SPTSSB: variants seen among roughly 807,000 people sequenced by gnomAD.
SPTSSB encodes androgen down regulated in mouse prostate.
Under a neutral mutation model 7.7 loss-of-function variants are expected in SPTSSB, and 6 were observed. The ratio of observed to expected loss-of-function variants is 0.78; its 90% confidence interval spans 0.43 to 1.54. The LOEUF (loss-of-function observed/expected upper bound fraction) is 1.54, where lower values mean the gene tolerates loss of function less well. Ranked by LOEUF, SPTSSB falls within the 40% of genes most tolerant of loss-of-function variation. The pLI, the probability that SPTSSB is intolerant of heterozygous loss-of-function variation, is 0.01. For missense variants in SPTSSB, 91 were observed against 93.0 expected (o/e 0.98, Z 0.09); for synonymous variants, 28 against 29.7 (o/e 0.94, Z 0.19).
chr3:161,356,005 C>T (rs906597018), intron 2 of SPTSSB, among the ~76,000 whole-genome samples: 1 of 152,156 alleles, frequency 6.6e-6, no homozygotes, highest in Non-Finnish European at 1.5e-5. Context: ...AGCAAAATCA[C>T]ATCGATGTAC....
At position 161,345,768 on chromosome 3, in the gene SPTSSB, G is replaced by T. The variant is rs988862057; in HGVS notation, c.*325C>A. ...CTTTAAGCATGATTCTGGTAGGTCTGTTAGGAGTCTATTTTCCAGAAAAAT... is the reference window on the plus strand; with the variant it reads ...CTTTAAGCATGATTCTGGTAGGTCTTTTAGGAGTCTATTTTCCAGAAAAAT... On this transcript the variant is annotated 3_prime_UTR_variant, in exon 3 of 3. Transcript: ENST00000620149. The T allele has an allele frequency of 4.1e-6, 1 of 246,470 alleles. No individual in the cohort carries two copies. The highest frequency in any genetic ancestry group is 8.0e-6 in the Non-Finnish European group (1 of 124,280). The allele number at this position is 246,470 out of a possible 1,614,324, so 15.3% of individuals were successfully genotyped here.
At chr3:161,356,862 A>G (rs1297513007) in intron 2 of SPTSSB, among the ~76,000 whole-genome samples, 1 of 152,080 alleles carries the variant, frequency 6.6e-6, no homozygotes, top group African/African-American at 2.4e-5. Flanking sequence ...GGGCGTGGTA[A>G]TCCTCGCACT....
chr3:161,369,308 T>C (rs200684749), intron 1 of SPTSSB, among the ~76,000 whole-genome samples: 1 of 59,620 alleles, frequency 1.7e-5, no homozygotes, highest in East Asian at 1.3e-3. Flanking sequence ...CTTTCTTTCT[T>C]TCTTTCTCTT....
At chr3:161,361,607 A>G (rs1239161818) in intron 1 of SPTSSB, among the ~76,000 whole-genome samples, 1 of 152,182 alleles carries the variant, frequency 6.6e-6, no homozygotes, top group Non-Finnish European at 1.5e-5. Flanking sequence ...TTATTTCTGC[A>G]TTATTGTGGA....
intron 1 of SPTSSB, among the ~76,000 whole-genome samples, chr3:161,366,754 G>A (rs1715237722): frequency 1.3e-5 from 2 of 151,998 alleles, no homozygotes; most frequent in Non-Finnish European, 1.5e-5. Flanking sequence ...CCTGGTACAG[G>A]GTAGGTGTGC....
At position 161,367,697 on chromosome 3, in the gene SPTSSB, G is replaced by T. The variant is rs559223427; in HGVS notation, c.-126+3738C>A. 3.9e-5 allele frequency among the ~76,000 whole-genome samples: 6 copies of T among 152,332 alleles called. No individual in the cohort carries two copies. In the South Asian group the frequency reaches 8.3e-4, roughly 21 times the overall value. On this transcript the variant is annotated intron_variant, in intron 1 of 2. Transcript: ENST00000620149. Reference sequence around the variant, plus strand: ...GATGCTTTCTGACAATGACATGTTAGTATGCTGTGAAGACTTCAGTGGCTG... The same window carrying T: ...GATGCTTTCTGACAATGACATGTTATTATGCTGTGAAGACTTCAGTGGCTG...
At chr3:161,351,439 T>A (rs538213154) in intron 2 of SPTSSB, among the ~76,000 whole-genome samples, 41 of 152,306 alleles carry the variant, frequency 2.7e-4, no homozygotes, top group African/African-American at 9.6e-4. Flanking sequence ...TTGCTGAAGC[T>A]TTACTTCCTA....
At chr3:161,352,213 C>G (rs773653568) in intron 2 of SPTSSB, among the ~76,000 whole-genome samples, 19 of 152,192 alleles carry the variant, frequency 1.2e-4, no homozygotes, top group Non-Finnish European at 1.9e-4. Context: ...TTCACAGTTT[C>G]ATTTCTTCAC....
chr3:161,352,118 TC>T (rs1714568689), intron 2 of SPTSSB, among the ~76,000 whole-genome samples: 1 of 152,234 alleles, frequency 6.6e-6, no homozygotes, highest in South Asian at 2.1e-4. Flanking sequence ...GAATTAACTG[TC>T]CAAACTTAAC....
At chr3:161,346,867 G>C (rs1352262623) in intron 2 of SPTSSB, among the ~76,000 whole-genome samples, 1 of 152,128 alleles carries the variant, frequency 6.6e-6, no homozygotes, top group Non-Finnish European at 1.5e-5. Flanking sequence ...TGCTTTTGAG[G>C]GGCCACGGAG....
At chr3:161,370,429 T>C (rs1054687897) in intron 1 of SPTSSB, among the ~76,000 whole-genome samples, 3 of 152,240 alleles carry the variant, frequency 2.0e-5, no homozygotes, top group African/African-American at 7.2e-5. Flanking sequence ...TACAAAGCCT[T>C]CACAGCCCTT....
chr3:161,352,048 C>T (rs1465437094), intron 2 of SPTSSB, among the ~76,000 whole-genome samples: 1 of 152,196 alleles, frequency 6.6e-6, no homozygotes, highest in Non-Finnish European at 1.5e-5. Flanking sequence ...GTTGCTTGCA[C>T]TAATGAAATA....
rs11401196 is a variant in SPTSSB at position 161,363,963 on chromosome 3, G to GAA, written c.-125-4071_-125-4070dup. 4.0e-3 allele frequency among the ~76,000 whole-genome samples: 601 copies of GAA among 149,948 alleles called. 5 individuals are homozygous for GAA. Among genetic ancestry groups the GAA allele is most frequent in the African/African-American group, 0.013 (544 of 40,964 alleles). On this transcript the variant is annotated intron_variant, in intron 1 of 2. Transcript: ENST00000620149. ...GACACAGGATGTATAGATGGTACAT[G>GAA]AAAAAAAAAATCCATAAAATCTCTA...
chr3:161,345,909 T>C lies in SPTSSB; in HGVS notation c.*184A>G, dbSNP rs1714199409. The C allele has an allele frequency of 1.9e-6, 1 of 529,960 alleles. No homozygotes were observed. Among genetic ancestry groups the C allele is most frequent in the Non-Finnish European group, 3.4e-6 (1 of 294,726 alleles). 32.8% of individuals were successfully genotyped at this position (529,960 alleles called of 1,614,324 possible). On this transcript the variant is annotated 3_prime_UTR_variant, in exon 3 of 3. Transcript: ENST00000620149. ...CTCCGGTCTAAAGCACAATGTAGCA[T>C]GTGCAAAAGAAACTAAAGAGACATG...
chr3:161,367,970 G>T (rs1715288973), intron 1 of SPTSSB, among the ~76,000 whole-genome samples: 3 of 152,158 alleles, frequency 2.0e-5, no homozygotes, highest in Non-Finnish European at 2.9e-5. Context: ...GAATTGATGA[G>T]TCCAAAAAGA....
chr3:161,357,140 C>T (rs1714804736), intron 2 of SPTSSB, among the ~76,000 whole-genome samples: 1 of 152,102 alleles, frequency 6.6e-6, no homozygotes, highest in Non-Finnish European at 1.5e-5. Context: ...TGCTGTATTC[C>T]AGGTTAGATG....
chr3:161,346,470 T>C lies in SPTSSB; in HGVS notation c.-32-115A>G, dbSNP rs573193353. On this transcript the variant is annotated intron_variant, in intron 2 of 2. Coordinates refer to ENST00000620149, the MANE Select transcript of SPTSSB (RefSeq NM_001040100.2). ...AAGATTTGTTAAAGATCATTGAATATATTATTAATATATGAATATTCTGTA... is the reference window on the plus strand; with the variant it reads ...AAGATTTGTTAAAGATCATTGAATACATTATTAATATATGAATATTCTGTA... The C allele has an allele frequency of 2.6e-4, 142 of 536,526 alleles. 4 individuals carry two copies. The South Asian group carries it at 2.9e-3, about 11-fold the overall frequency. 33.2% of individuals were successfully genotyped at this position (536,526 alleles called of 1,614,324 possible).
chr3:161,370,856 C>A (rs1033905909), intron 1 of SPTSSB, among the ~76,000 whole-genome samples: 17 of 152,228 alleles, frequency 1.1e-4, no homozygotes, highest in African/African-American at 3.9e-4. Flanking sequence ...ATTTAGCTAA[C>A]TCTAGCTGGC....
Position 161,346,040 on chromosome 3 carries a change from A to G in SPTSSB, c.*53T>C. The G allele has an allele frequency of 1.1e-6, 1 of 925,592 alleles. No homozygotes were observed. The highest frequency in any genetic ancestry group is 1.8e-5 in the Admixed American group (1 of 55,206). 57.3% of individuals were successfully genotyped at this position (925,592 alleles called of 1,614,324 possible). On this transcript the variant is annotated 3_prime_UTR_variant, in exon 3 of 3. Transcript: ENST00000620149. ...GACACAATAGTTACCTAAATCAATA[A>G]GCTGTAAGCAACATATAAATATGCA...
Sources: gnomAD v4.1 joint callset for allele counts (sites outside exome capture counted in the v4.1 genomes callset) on GRCh38, gnomAD v4.1.1 for gene constraint, MANE v1.5 for transcripts, NCBI Gene and HGNC (gene_info 2026-07-23, HGNC 2026-07-21) for gene names.